Variants in SPOCK2 observed in about 807,000 individuals in gnomAD.
SPOCK2 encodes SPARC (osteonectin), cwcv and kazal like domains proteoglycan 2.
In SPOCK2, 39 loss-of-function variants were observed where a neutral mutation model predicts 60.1. The observed-to-expected ratio is 0.65, with a 90% CI of 0.50 to 0.85. The LOEUF is 0.85. Among genes scored for constraint, SPOCK2 ranks in the 40% least tolerant of loss-of-function variants. The pLI, the probability that SPOCK2 is intolerant of heterozygous loss-of-function variation, is 0.00. For missense variants in SPOCK2, 523 were observed against 567.4 expected (o/e 0.92, Z 0.80); for synonymous variants, 217 against 231.5 (o/e 0.94, Z 0.57).
At chr10:72,063,203 A>C in intron 9 of SPOCK2, 41 bp from the exon 10 acceptor site, 1 of 1,550,512 alleles carries the variant, frequency 6.4e-7, no homozygotes, top group Non-Finnish European at 8.7e-7. Context: ...GCAGGGGCCC[A>C]GGCTGTGGGC....
Position 72,063,071 on chromosome 10 carries a change from C to T in SPOCK2, c.1083G>A (p.Leu361=). Residue 361 remains leucine, a synonymous_variant, in exon 10 of 11, where the codon CTG becomes CTA. Coordinates refer to ENST00000373109, the MANE Select transcript of SPOCK2 (RefSeq NM_001244950.2). ...TGCGCGTGCCAGTCAGCTCCAGGCC[C>T]AGCTGGTCCACACACCAGCAGTCAC... ...SSGDCWCVDQ[L]GLELTGTRTH... 2 of 1,554,194 alleles carry T rather than the reference C, an allele frequency of 1.3e-6. No homozygotes were observed. The highest frequency in any genetic ancestry group is 1.7e-6 in the Non-Finnish European group (2 of 1,148,412).
chr10:72,074,119 G>A (rs1229238667), intron 1 of SPOCK2, among the ~76,000 whole-genome samples: 1 of 152,214 alleles, frequency 6.6e-6, no homozygotes, highest in African/African-American at 2.4e-5. Flanking sequence ...AGAGCTGTCA[G>A]GTCTGGGGGA....
chr10:72,073,000 T>C, intron 1 of SPOCK2, 90 bp from the exon 2 acceptor site: 1 of 1,538,318 alleles, frequency 6.5e-7, no homozygotes, highest in Non-Finnish European at 8.8e-7. Flanking sequence ...GGCCCTCTGG[T>C]GTTCCTGGGG....
chr10:72,084,949 C>T (rs1395572586), intron 1 of SPOCK2, among the ~76,000 whole-genome samples: 1 of 152,106 alleles, frequency 6.6e-6, no homozygotes, highest in Non-Finnish European at 1.5e-5. Flanking sequence ...GTTAGACACT[C>T]ATAAATATAA....
Position 72,063,063 on chromosome 10 carries a change from T to G in SPOCK2, c.1091A>C (p.Glu364Ala), listed in dbSNP as rs1840517677. ...DCWCVDQLGLELTGTRTHGSP... is the reference protein window; with the variant it reads ...DCWCVDQLGLALTGTRTHGSP... The stretch of plus-strand genomic sequence containing the variant: ...CCCATGCGTGCGCGTGCCAGTCAGC[T>G]CCAGGCCCAGCTGGTCCACACACCA... The change falls in exon 10 of 11, where the codon GAG (glutamate) becomes GCG (alanine). Residue 364 changes from glutamate (E) to alanine (A), a missense_variant. Physicochemically the swap from Glu to Ala is moderately radical, Grantham distance 107. Transcript: ENST00000373109. The G allele has an allele frequency of 6.4e-7, 1 of 1,553,582 alleles. No homozygotes were observed. Among genetic ancestry groups the G allele is most frequent in the African/African-American group, 1.4e-5 (1 of 73,110 alleles).
rs1564552671 is a variant in SPOCK2, at chr10:72,087,777, A to G, written c.189+363T>C. Among the ~76,000 whole-genome samples the G allele has an allele frequency of 6.6e-6, 1 of 152,084 alleles. No individual in the cohort carries two copies. Among genetic ancestry groups the G allele is most frequent in the East Asian group, 2.0e-4 (1 of 5,124 alleles). On this transcript the variant is annotated intron_variant, in intron 1 of 10. Coordinates refer to ENST00000373109, the MANE Select transcript of SPOCK2 (RefSeq NM_001244950.2). The surrounding 1 kb of genome is among the most constrained non-coding windows in gnomAD (Gnocchi z 4.7). ...TGGGGCAGGCCCGGGGGCGGCTCGC[A>G]CAACGCAGCTGGGGACCGGGTCGGG...
In SPOCK2 at chr10:72,062,735, C is replaced by G. The variant is rs201654674; in HGVS notation, c.*25G>C. On this transcript the variant is annotated 3_prime_UTR_variant, in exon 11 of 11. Transcript: ENST00000373109. The surrounding 1 kb of genome is among the most constrained non-coding windows in gnomAD (Gnocchi z 4.3). Reference sequence around the variant, plus strand: ...CTCAGAGCTCTGCTGTTGAGTCCCCCCCGGCAGCCGGCTCCTGAGGGCGTC... The same window carrying G: ...CTCAGAGCTCTGCTGTTGAGTCCCCGCCGGCAGCCGGCTCCTGAGGGCGTC... 1.0e-4 allele frequency: 159 copies of G among 1,589,362 alleles called. No homozygotes were observed. Among genetic ancestry groups the G allele is most frequent in the African/African-American group, 8.0e-4 (59 of 73,856 alleles).
At chr10:72,088,621 T>TAAAA (rs34679894), upstream of SPOCK2, 17 of 182,020 alleles carry the variant, frequency 9.3e-5, no homozygotes, top group African/African-American at 4.4e-4. Context: ...ATACCTGGTT[T>TAAAA]AAAAAAAAAA....
At chr10:72,070,680 C>T (rs576279921) in intron 4 of SPOCK2, among the ~76,000 whole-genome samples, 1 of 152,216 alleles carries the variant, frequency 6.6e-6, no homozygotes, top group Non-Finnish European at 1.5e-5. Context: ...CCCATGGGGC[C>T]TTCAGGTAGC....
Position 72,068,257 on chromosome 10 carries a change from C to G in SPOCK2, c.519G>C (p.Ala173=). 6.2e-7 allele frequency: 1 copy of G among 1,612,084 alleles called. No homozygotes were observed. The highest frequency in any genetic ancestry group is 8.5e-7 in the Non-Finnish European group (1 of 1,179,454). Residue 173 remains alanine, a synonymous_variant, in exon 6 of 11, where the codon GCG becomes GCC. Coordinates refer to ENST00000373109, the MANE Select transcript of SPOCK2 (RefSeq NM_001244950.2). ...AGGGGCAGGGGCCCTCGCATCGCACCGCCAGCTGCTTGCTGCTCAGGCACG... is the reference window on the plus strand; with the variant it reads ...AGGGGCAGGGGCCCTCGCATCGCACGGCCAGCTGCTTGCTGCTCAGGCACG... ...QQACLSSKQL[A]VRCEGPCPCP...
chr10:72,078,301 G>A (rs1460386489), intron 1 of SPOCK2, among the ~76,000 whole-genome samples: 1 of 152,090 alleles, frequency 6.6e-6, no homozygotes, highest in East Asian at 1.9e-4. Context: ...GGATCACGAG[G>A]TCAGGAGATC....
chr10:72,072,983 A>C, intron 1 of SPOCK2, 73 bp from the exon 2 acceptor site: 2 of 1,548,276 alleles, frequency 1.3e-6, no homozygotes, highest in Non-Finnish European at 1.7e-6. Flanking sequence ...TGGGGATATC[A>C]GTGTGAGGCC....
Position 72,066,797 on chromosome 10 carries a change from G to C in SPOCK2, c.928+105C>G, listed in dbSNP as rs1327626233. ...GCAAGCTGGGAAAGTGCTGGGCCTG[G>C]GGACGTAGCCAAGAAAGAGCCACTC... On this transcript the variant is annotated intron_variant, in intron 8 of 10. Transcript: ENST00000373109. The C allele has an allele frequency of 3.1e-6, 4 of 1,307,028 alleles. No individual in the cohort carries two copies. The African/African-American group carries it at 4.4e-5, about 14-fold the overall frequency. 81.0% of individuals were successfully genotyped at this position (1,307,028 alleles called of 1,614,324 possible).
intron 5 of SPOCK2, 104 bp from the exon 6 acceptor site, chr10:72,068,405 C>T: frequency 1.6e-6 from 2 of 1,228,754 alleles, no homozygotes; most frequent in South Asian, 1.5e-5. Context: ...TCTGCCTCCC[C>T]CCATGGAGTG....
rs896818286 is a variant in SPOCK2, at chr10:72,087,288, AC to A, written c.189+851del. On this transcript the variant is annotated intron_variant, in intron 1 of 10. Transcript: ENST00000373109. This position sits in a 1 kb window ranked among gnomAD's most constrained non-coding sequence, Gnocchi z 4.7. The stretch of plus-strand genomic sequence containing the variant: ...GCCGGTAAACAAAAGTGCCGCAGCT[AC>A]CCCCCCGCCCCCACCCCGCGGAGTT... Among the ~76,000 whole-genome samples, 1 of 147,638 alleles carries A rather than the reference AC, an allele frequency of 6.8e-6. No homozygotes were observed. The highest frequency in any genetic ancestry group is 1.5e-5 in the Non-Finnish European group (1 of 66,874).
intron 4 of SPOCK2, among the ~76,000 whole-genome samples, chr10:72,071,126 T>A (rs1840641349): frequency 1.3e-5 from 2 of 152,124 alleles, no homozygotes; most frequent in Admixed American, 6.5e-5. Flanking sequence ...TTTTCCAGGG[T>A]CTTGGAGCCA....
In SPOCK2 at chr10:72,066,503, ATT is replaced by A. The variant is rs34886842; in HGVS notation, c.928+397_928+398del. Among the ~76,000 whole-genome samples the A allele has an allele frequency of 4.8e-3, 594 of 123,996 alleles. 2 individuals carry two copies. The highest frequency in any genetic ancestry group is 0.017 in the African/African-American group (557 of 32,070). 81.3% of individuals were successfully genotyped at this position (123,996 alleles called of 152,430 possible). ...CAAATGCATGCCACCATGCCTGGCT[ATT>A]TTTTTTTTTTTTTTTCACAGAGAGG... On this transcript the variant is annotated intron_variant, in intron 8 of 10. Transcript: ENST00000373109.
At chr10:72,071,973 G>C (rs1275220180) in intron 4 of SPOCK2, among the ~76,000 whole-genome samples, 171 bp downstream of exon 4, 1 of 152,208 alleles carries the variant, frequency 6.6e-6, no homozygotes, top group East Asian at 1.9e-4. Context: ...ACCACTTCTG[G>C]ATTCCAACCC....
intron 1 of SPOCK2, chr10:72,086,945 A>T: frequency 1.3e-6 from 2 of 1,551,630 alleles, no homozygotes; most frequent in Non-Finnish European, 1.7e-6. Flanking sequence ...AAAACGGGAG[A>T]GGTCATGGTG....
Sources: allele counts gnomAD v4.1 joint callset (sites outside exome capture counted in the v4.1 genomes callset), GRCh38; gene constraint gnomAD v4.1.1; non-coding constraint Gnocchi (gnomAD v3.1); transcripts MANE v1.5; gene names NCBI Gene and HGNC (gene_info 2026-07-23, HGNC 2026-07-21).